The following KLF12 variants were observed in gnomAD, a reference collection of about 807,000 sequenced individuals.
The protein encoded by KLF12 is Krueppel-like factor 12.
A neutral mutation model predicts 37.8 loss-of-function variants in KLF12; 9 were observed. The ratio of observed to expected loss-of-function variants is 0.24; its 90% CI spans 0.14 to 0.42. The LOEUF is 0.42. Ranked by LOEUF, KLF12 falls within the 10% of genes least tolerant of loss-of-function variation. The pLI is 1.00. For missense variants in KLF12, 411 were observed against 516.0 expected, an observed-to-expected ratio of 0.80 and a Z score of 1.97; for synonymous variants, 208 against 202.1, an observed-to-expected ratio of 1.03 and a Z score of -0.25.
At chr13:74,281,127 T>C in the KLF12 span, among the ~76,000 whole-genome samples, 1 of 152,302 alleles carries the variant, frequency 6.6e-6, no homozygotes, top group East Asian at 1.9e-4. Context: ...CCCTTTTAGA[T>C]CTCATTTTAA....
At chr13:74,177,508 C>A in the KLF12 span, among the ~76,000 whole-genome samples, 3 of 152,086 alleles carry the variant, frequency 2.0e-5, no homozygotes, top group Non-Finnish European at 4.4e-5. Context: ...CAGAAAGTTA[C>A]CATATTGCAA....
At chr13:74,218,867 G>A in the KLF12 span, among the ~76,000 whole-genome samples, 1 of 151,828 alleles carries the variant, frequency 6.6e-6, no homozygotes, top group Admixed American at 6.6e-5. Flanking sequence ...ATAAAACAGA[G>A]AATATGAAAA....
Position 73,883,120 on chromosome 13 carries a change from CCT to C in KLF12, c.124-36749_124-36748del, listed in dbSNP as rs200505841. Among the ~76,000 whole-genome samples the C allele has an allele frequency of 6.4e-3, 968 of 152,196 alleles. 14 individuals are homozygous for C. In the South Asian group the frequency reaches 0.064, roughly 10 times the overall value. The stretch of plus-strand genomic sequence containing the variant: ...ATTAAAATCAATATTATATTGTCCC[CCT>C]CTTTTTAAAATACATTCTGAAGTTT... On this transcript the variant is annotated intron_variant, in intron 3 of 7. Coordinates refer to ENST00000377669, the MANE Select transcript of KLF12 (RefSeq NM_007249.5).
chr13:73,833,904 G>C lies in KLF12; in HGVS notation c.670+11923C>G, dbSNP rs1453313215. On this transcript the variant is annotated intron_variant, in intron 4 of 7. Coordinates refer to ENST00000377669, the MANE Select transcript of KLF12 (RefSeq NM_007249.5). ...ATGGGAAGGTTTATTCTACTGTCAG[G>C]GTTCAGACTGCACGTCTACACTGGC... 3.9e-5 allele frequency among the ~76,000 whole-genome samples: 6 copies of C among 151,980 alleles called. No homozygotes were observed. In the South Asian group the frequency reaches 1.0e-3, roughly 26 times the overall value.
chr13:73,766,428 C>T (rs1308381404), intron 5 of KLF12, among the ~76,000 whole-genome samples: 1 of 152,140 alleles, frequency 6.6e-6, no homozygotes, highest in Non-Finnish European at 1.5e-5. Flanking sequence ...AAAAATTATA[C>T]GAAAGGCAGC....
At chr13:73,928,355 T>C (rs1339329141) in intron 3 of KLF12, among the ~76,000 whole-genome samples, 1 of 152,252 alleles carries the variant, frequency 6.6e-6, no homozygotes, top group African/African-American at 2.4e-5. Context: ...GTGATCATTA[T>C]GTTTTCATGT....
At chr13:74,270,111 C>T in the KLF12 span, among the ~76,000 whole-genome samples, 4 of 152,126 alleles carry the variant, frequency 2.6e-5, no homozygotes, top group East Asian at 7.7e-4. Context: ...TGGCCTTTGT[C>T]CTGCTTACTA....
rs372080694 is a variant in KLF12 at position 73,784,294 on chromosome 13, G to C, written c.807-19294C>G. Among the ~76,000 whole-genome samples, 14 of 151,932 alleles carry C rather than the reference G, an allele frequency of 9.2e-5. No individual in the cohort carries two copies. The East Asian group carries it at 1.4e-3, about 15-fold the overall frequency. On this transcript the variant is annotated intron_variant, in intron 5 of 7. Transcript: ENST00000377669. Reference sequence around the variant, plus strand: ...AACCCTAGTTCAAAAACCATCAAAGGGGTTCTCAATATGTATAAAATTAAC... The same window carrying C: ...AACCCTAGTTCAAAAACCATCAAAGCGGTTCTCAATATGTATAAAATTAAC...
intron 3 of KLF12, among the ~76,000 whole-genome samples, chr13:73,942,867 A>T (rs1341568518): frequency 6.6e-6 from 1 of 152,174 alleles, no homozygotes; most frequent in African/African-American, 2.4e-5. Flanking sequence ...TACACTGAAA[A>T]ACAGAAATTA....
chr13:73,692,807 T>A lies in KLF12; in HGVS notation c.*2683A>T, dbSNP rs1166197013. On this transcript the variant is annotated 3_prime_UTR_variant, in exon 8 of 8. Transcript: ENST00000377669. ...TTAGATCCCTTCTTAGAAGTACTGATACGTCAAAAGGGGAAAATGATGGAA... is the reference window on the plus strand; with the variant it reads ...TTAGATCCCTTCTTAGAAGTACTGAAACGTCAAAAGGGGAAAATGATGGAA... 6.6e-6 allele frequency: 1 copy of A among 152,626 alleles called. No individual in the cohort carries two copies. The highest frequency in any genetic ancestry group is 1.5e-5 in the Non-Finnish European group (1 of 68,034). 9.5% of individuals were successfully genotyped at this position (152,626 alleles called of 1,614,324 possible).
chr13:73,718,070 G>A (rs1875950619), intron 6 of KLF12, among the ~76,000 whole-genome samples: 1 of 152,078 alleles, frequency 6.6e-6, no homozygotes, highest in African/African-American at 2.4e-5. Context: ...AAGTCTATAA[G>A]AACACTTTGT....
At chr13:74,119,022 A>G (rs1460031057) in intron 1 of KLF12, among the ~76,000 whole-genome samples, 4 of 152,164 alleles carry the variant, frequency 2.6e-5, no homozygotes, top group Non-Finnish European at 4.4e-5. Context: ...CTTATATATA[A>G]TGGCAGGAAG....
chr13:74,294,674 C>T, the KLF12 span, among the ~76,000 whole-genome samples: 2 of 152,210 alleles, frequency 1.3e-5, no homozygotes, highest in African/African-American at 4.8e-5. Context: ...GCCTCTTCCA[C>T]ATGCATTCTC....
the KLF12 span, among the ~76,000 whole-genome samples, chr13:74,175,604 CA>C: frequency 6.6e-6 from 1 of 152,164 alleles, no homozygotes; most frequent in African/African-American, 2.4e-5. Flanking sequence ...TATATTTCTT[CA>C]AAAGCTTGAG....
At chr13:73,834,865 C>T (rs1165113171) in intron 4 of KLF12, among the ~76,000 whole-genome samples, 1 of 152,158 alleles carries the variant, frequency 6.6e-6, no homozygotes, top group East Asian at 1.9e-4. Context: ...TATCCTTGCT[C>T]AGTGGGTTCA....
chr13:74,296,286 G>A, the KLF12 span, among the ~76,000 whole-genome samples: 2 of 152,074 alleles, frequency 1.3e-5, no homozygotes, highest in Non-Finnish European at 1.5e-5. Context: ...AAGTAGCCTT[G>A]CATAGTTACA....
chr13:74,040,718 C>T (rs1038911805), intron 1 of KLF12, among the ~76,000 whole-genome samples: 1 of 152,192 alleles, frequency 6.6e-6, no homozygotes, highest in African/African-American at 2.4e-5. Context: ...TAAATACACA[C>T]CCTACATATA....
chr13:73,922,440 T>A (rs1196979712), intron 3 of KLF12, among the ~76,000 whole-genome samples: 1 of 152,166 alleles, frequency 6.6e-6, no homozygotes, highest in Non-Finnish European at 1.5e-5. Context: ...AAATTAGGAA[T>A]TTGATTTTGG....
the KLF12 span, among the ~76,000 whole-genome samples, chr13:74,268,465 G>T: frequency 2.0e-5 from 3 of 152,106 alleles, no homozygotes; most frequent in African/African-American, 7.2e-5. Flanking sequence ...TTGTTATTTT[G>T]TGAGTGAAAT....
Sources: allele counts gnomAD v4.1 joint callset (sites outside exome capture counted in the v4.1 genomes callset), GRCh38; gene constraint gnomAD v4.1.1; transcripts MANE v1.5; gene names NCBI Gene and HGNC (gene_info 2026-07-23, HGNC 2026-07-21).